TMLHE: variants seen among roughly 807,000 people sequenced by gnomAD.
TMLHE encodes the protein trimethyllysine dioxygenase, mitochondrial.
TMLHE carries 18 observed loss-of-function variants against 25.7 expected under a neutral mutation model. The observed-to-expected ratio is 0.70, with a 90% CI of 0.48 to 1.04. The LOEUF (loss-of-function observed/expected upper bound fraction) is 1.04. Among genes scored for constraint, TMLHE ranks in the 50% least tolerant of loss-of-function variants. The pLI is 0.00. For synonymous variants in TMLHE, 105 were observed against 97.0 expected, an observed-to-expected ratio of 1.08 and a Z score of -0.49; for missense variants, 236 against 259.0, an observed-to-expected ratio of 0.91 and a Z score of 0.61.
intron 5 of TMLHE, among the ~76,000 whole-genome samples, chrX:155,507,952 A>G (rs1241316033): frequency 1.8e-5 from 2 of 111,293 alleles, no homozygotes; most frequent in African/African-American, 3.3e-5. Context: ...AGAGATACCG[A>G]GATAGAAGTA....
At chrX:155,531,529 T>C (rs1236527706) in intron 2 of TMLHE, among the ~76,000 whole-genome samples, 1 of 110,942 alleles carries the variant, frequency 9.0e-6, no homozygotes, top group Non-Finnish European at 1.9e-5. Context: ...ATGACCCAAA[T>C]ACCTCCCATC....
intron 4 of TMLHE, among the ~76,000 whole-genome samples, chrX:155,513,610 G>A (rs782800507): frequency 1.8e-5 from 2 of 109,212 alleles, no homozygotes; most frequent in Non-Finnish European, 3.9e-5. Flanking sequence ...GAGGGGGTGT[G>A]TGTGTGTGTG....
chrX:155,504,329 C>G (rs782129055), intron 6 of TMLHE, among the ~76,000 whole-genome samples: 1 of 65,865 alleles, frequency 1.5e-5, no homozygotes, highest in African/African-American at 5.9e-5. Flanking sequence ...TTTTTAAAAT[C>G]GAAAAATATC....
intron 3 of TMLHE, among the ~76,000 whole-genome samples, chrX:155,521,845 T>C (rs2067188369): frequency 1.2e-5 from 1 of 82,519 alleles, no homozygotes; most frequent in Non-Finnish European, 2.4e-5. Flanking sequence ...CCCCTTGCGC[T>C]TCCCAGGTGA....
rs1469463620 is a variant in TMLHE, at chrX:155,569,764, A to C, written c.-1-24487T>G. ...TTCATAAGTGAAGGAGAAATAAAAT[A>C]CTTTACAGACAAGCAAATGCTGAGA... is the stretch of plus-strand genomic sequence containing the variant. On this transcript the variant is annotated intron_variant, in intron 1 of 7. Coordinates refer to ENST00000334398, the MANE Select transcript of TMLHE (RefSeq NM_018196.4). Among the ~76,000 whole-genome samples the C allele has an allele frequency of 9.4e-5, 5 of 53,461 alleles. 2 individuals carry two copies. Among genetic ancestry groups the C allele is most frequent in the Admixed American group, 2.1e-4 (1 of 4,663 alleles). 46.4% of individuals were successfully genotyped at this position (53,461 alleles called of 115,157 possible). A position where few individuals can be genotyped will look rare whatever the true frequency, so the allele number is the denominator to read the frequency against.
chrX:155,512,346 G>A (rs1339109539), intron 4 of TMLHE, among the ~76,000 whole-genome samples: 3 of 89,409 alleles, frequency 3.4e-5, no homozygotes, highest in African/African-American at 1.3e-4. Flanking sequence ...AGTCCCCAGA[G>A]TGTGATGTTC....
intron 1 of TMLHE, among the ~76,000 whole-genome samples, chrX:155,550,102 T>A (rs1210245450): frequency 9.0e-6 from 1 of 110,912 alleles, no homozygotes; most frequent in East Asian, 2.8e-4. Flanking sequence ...ATGTGCCACA[T>A]TTTCTTTATC....
chrX:155,596,984 C>T (rs5940538), intron 1 of TMLHE, among the ~76,000 whole-genome samples: 458 of 106,294 alleles, frequency 4.3e-3, no homozygotes, highest in Non-Finnish European at 7.6e-3. Flanking sequence ...CCCATTAACT[C>T]GTCATTTAGC....
At chrX:155,600,966 A>C (rs1264251809) in intron 1 of TMLHE, among the ~76,000 whole-genome samples, 11 of 111,955 alleles carry the variant, frequency 9.8e-5, no homozygotes, top group African/African-American at 3.6e-4. Flanking sequence ...GGAAGCTAGC[A>C]TAATAACAAC....
chrX:155,523,442 T>A (rs1557336051), intron 3 of TMLHE, among the ~76,000 whole-genome samples: 1 of 111,520 alleles, frequency 9.0e-6, no homozygotes, highest in Admixed American at 9.5e-5. Flanking sequence ...CTTCCTCTAT[T>A]GAATGACTTT....
intron 1 of TMLHE, among the ~76,000 whole-genome samples, chrX:155,577,181 A>G (rs1424344105): frequency 4.5e-5 from 5 of 112,353 alleles, no homozygotes; most frequent in Non-Finnish European, 9.4e-5. Context: ...AACCCCATTA[A>G]AGAGTGGGCA....
intron 3 of TMLHE, among the ~76,000 whole-genome samples, chrX:155,516,244 A>T (rs1603022438): frequency 4.1e-5 from 1 of 24,220 alleles, no homozygotes; most frequent in South Asian, 3.0e-3. Flanking sequence ...TTCAATTCCC[A>T]CCTATGAGTG....
intron 1 of TMLHE, among the ~76,000 whole-genome samples, chrX:155,607,574 G>T (rs1055877888): frequency 3.6e-5 from 4 of 110,094 alleles, no homozygotes; most frequent in African/African-American, 9.9e-5. Context: ...TCAGGCAAAA[G>T]AAAGAAAAAA....
intron 1 of TMLHE, among the ~76,000 whole-genome samples, chrX:155,578,471 C>T (rs1377659815): frequency 2.7e-5 from 3 of 111,928 alleles, no homozygotes; most frequent in Non-Finnish European, 5.6e-5. Context: ...GCTGACCCAA[C>T]ATACCAATAC....
intron 2 of TMLHE, among the ~76,000 whole-genome samples, chrX:155,528,528 CTG>C (rs1183606867): frequency 4.5e-5 from 5 of 111,134 alleles, no homozygotes; most frequent in Non-Finnish European, 7.5e-5. Flanking sequence ...TTATACCACT[CTG>C]TATGCCTTTG....
At chrX:155,513,076 C>G (rs1487623853) in intron 4 of TMLHE, among the ~76,000 whole-genome samples, 6 of 111,397 alleles carry the variant, frequency 5.4e-5, no homozygotes, top group Admixed American at 4.8e-4. Context: ...AGTTCTCAAA[C>G]TGTGATTCAA....
chrX:155,512,656 G>A (rs1237890413), intron 4 of TMLHE, among the ~76,000 whole-genome samples: 2 of 110,949 alleles, frequency 1.8e-5, no homozygotes, highest in Non-Finnish European at 3.8e-5. Context: ...TTTCAATAAT[G>A]GTGGTCATTT....
intron 3 of TMLHE, among the ~76,000 whole-genome samples, chrX:155,515,053 C>T (rs2067143000): frequency 1.8e-5 from 2 of 110,962 alleles, no homozygotes; most frequent in South Asian, 7.6e-4. Context: ...AAAAGTATCA[C>T]ACTTTGGATA....
intron 2 of TMLHE, 148 bp downstream of exon 2, chrX:155,544,948 G>A (rs1322060967): frequency 3.5e-6 from 2 of 574,692 alleles, no homozygotes; most frequent in Non-Finnish European, 5.4e-6. Flanking sequence ...AATGTGAATT[G>A]TACACTTAAA....
Sources: allele counts gnomAD v4.1 joint callset (sites outside exome capture counted in the v4.1 genomes callset), GRCh38; gene constraint gnomAD v4.1.1; transcripts MANE v1.5; gene names NCBI Gene and HGNC (gene_info 2026-07-23, HGNC 2026-07-21).